FAM169A: variants seen among roughly 807,000 people sequenced by gnomAD.
FAM169A encodes soluble lamin-associated protein of 75 kDa.
A neutral mutation model predicts 75.7 loss-of-function variants in FAM169A; 24 were observed. The observed-to-expected ratio is 0.32, with a 90% CI of 0.23 to 0.45. The LOEUF (loss-of-function observed/expected upper bound fraction) is 0.45. Among genes scored for constraint, FAM169A ranks in the 20% least tolerant of loss-of-function variants. FAM169A has a pLI of 1.00. For missense variants in FAM169A, 673 were observed against 784.0 expected, an observed-to-expected ratio of 0.86 and a Z score of 1.69; for synonymous variants, 271 against 271.0, an observed-to-expected ratio of 1.00 and a Z score of 0.00.
At chr5:74,865,931 G>A (rs1310178894) in intron 1 of FAM169A, 1 of 152,434 alleles carries the variant, frequency 6.6e-6, no homozygotes, top group Non-Finnish European at 1.5e-5. Flanking sequence ...GCGCACCTGG[G>A]GGCGCCACAC....
intron 1 of FAM169A, among the ~76,000 whole-genome samples, chr5:74,858,618 G>A (rs1473616761): frequency 6.6e-6 from 1 of 152,028 alleles, no homozygotes; most frequent in Non-Finnish European, 1.5e-5. Flanking sequence ...GGGTCAAAAA[G>A]CTACCTATCA....
Position 74,805,524 on chromosome 5 carries a change from C to CTTTTTTTTTTTTT in FAM169A, c.671-253_671-241dup, listed in dbSNP as rs1194674402. On this transcript the variant is annotated intron_variant, in intron 6 of 12. Coordinates refer to ENST00000687041, the MANE Select transcript of FAM169A (RefSeq NM_001376049.1). ...AAAAATCCTTTAAAAATGTGCTTCG[C>CTTTTTTTTTTTTT]TTTTTTTTTTTTTTTTTTTTTTTGG... Among the ~76,000 whole-genome samples the CTTTTTTTTTTTTT allele has an allele frequency of 3.8e-4, 31 of 81,924 alleles. 2 individuals carry two copies. The highest frequency in any genetic ancestry group is 9.8e-4 in the African/African-American group (18 of 18,434). The allele number at this position is 81,924 out of a possible 152,430, so 53.7% of individuals were successfully genotyped here. A position where few individuals can be genotyped will look rare whatever the true frequency, so the allele number is the denominator to read the frequency against.
intron 9 of FAM169A, 23 bp downstream of exon 9, chr5:74,801,567 G>C (rs770398457): frequency 6.3e-7 from 1 of 1,575,776 alleles, no homozygotes; most frequent in South Asian, 1.1e-5. Context: ...AATACTTACT[G>C]ATATATCAGT....
intron 6 of FAM169A, among the ~76,000 whole-genome samples, chr5:74,811,931 C>G (rs1330305615): frequency 6.6e-6 from 1 of 152,130 alleles, no homozygotes. Context: ...TGAGAATACA[C>G]ACGTATGTAT....
Position 74,791,142 on chromosome 5 carries a change from G to A in FAM169A, c.1260+4888C>T, listed in dbSNP as rs1445392664. Among the ~76,000 whole-genome samples, 4 of 152,106 alleles carry A rather than the reference G, an allele frequency of 2.6e-5. No homozygotes were observed. The East Asian group carries it at 7.7e-4, about 29-fold the overall frequency. Reference sequence around the variant, plus strand: ...TGTTCCCCATCATCTTGAAGCAGCTGGATTGACAGAATGGTGGAATGTCCT... The same window carrying A: ...TGTTCCCCATCATCTTGAAGCAGCTAGATTGACAGAATGGTGGAATGTCCT... On this transcript the variant is annotated intron_variant, in intron 11 of 12. Transcript: ENST00000687041.
intron 10 of FAM169A, chr5:74,799,050 T>C: frequency 9.6e-7 from 1 of 1,046,218 alleles, no homozygotes; most frequent in Admixed American, 1.7e-5. Flanking sequence ...GAAACAGGGA[T>C]CGTACCCAGA....
chr5:74,861,528 A>C (rs1053362523), intron 1 of FAM169A, among the ~76,000 whole-genome samples: 11 of 152,206 alleles, frequency 7.2e-5, no homozygotes, highest in African/African-American at 2.7e-4. Context: ...GTTCAAGACC[A>C]GCCTGGTAAA....
intron 5 of FAM169A, among the ~76,000 whole-genome samples, chr5:74,821,117 C>A (rs758036783): frequency 2.2e-4 from 33 of 152,304 alleles, no homozygotes; most frequent in Middle Eastern, 3.4e-3. Context: ...CATCATCTGA[C>A]AGCATATCAT....
chr5:74,859,829 G>A (rs1749944344), intron 1 of FAM169A, among the ~76,000 whole-genome samples: 1 of 151,876 alleles, frequency 6.6e-6, no homozygotes, highest in South Asian at 2.1e-4. Context: ...ACCAGCCTGG[G>A]CAACAAAGCG....
chr5:74,814,065 AT>A, intron 5 of FAM169A, 46 bp from the exon 6 acceptor site: 1 of 1,402,850 alleles, frequency 7.1e-7, no homozygotes, highest in Non-Finnish European at 9.4e-7. Flanking sequence ...ACATTAAAAA[AT>A]ATACATACAT....
intron 5 of FAM169A, among the ~76,000 whole-genome samples, chr5:74,817,018 C>A (rs1287122221): frequency 2.6e-5 from 4 of 151,846 alleles, no homozygotes; most frequent in Non-Finnish European, 4.4e-5. Flanking sequence ...TTGACAAAAC[C>A]CAACCTTTCA....
At position 74,779,743 on chromosome 5, in the gene FAM169A, T is replaced by C. The variant is rs1745319155; in HGVS notation, c.*1717A>G. ...ACTAATTAAAGAAAATATAGGGTAATACAATTGTTCAAAATCTAACACAAA... is the reference window on the plus strand; with the variant it reads ...ACTAATTAAAGAAAATATAGGGTAACACAATTGTTCAAAATCTAACACAAA... On this transcript the variant is annotated 3_prime_UTR_variant, in exon 13 of 13. Coordinates refer to ENST00000687041, the MANE Select transcript of FAM169A (RefSeq NM_001376049.1). The C allele has an allele frequency of 2.0e-5, 3 of 152,142 alleles. No homozygotes were observed. The highest frequency in any genetic ancestry group is 6.5e-5 in the Admixed American group (1 of 15,276). The allele number at this position is 152,142 out of a possible 1,614,324, so 9.4% of individuals were successfully genotyped here. A position where few individuals can be genotyped will look rare whatever the true frequency, so the allele number is the denominator to read the frequency against.
intron 1 of FAM169A, among the ~76,000 whole-genome samples, chr5:74,842,658 A>T (rs1221366189): frequency 6.6e-6 from 1 of 151,664 alleles, no homozygotes; most frequent in Non-Finnish European, 1.5e-5. Flanking sequence ...TGACCTCCCA[A>T]AGTGCTGGGA....
At chr5:74,812,168 G>T (rs906161922) in intron 6 of FAM169A, among the ~76,000 whole-genome samples, 25 of 152,048 alleles carry the variant, frequency 1.6e-4, no homozygotes, top group Non-Finnish European at 3.7e-4. Context: ...TTGTCACCCA[G>T]GCTGAAGTGC....
intron 5 of FAM169A, among the ~76,000 whole-genome samples, chr5:74,834,137 G>A (rs1411618400): frequency 1.3e-5 from 2 of 152,082 alleles, no homozygotes; most frequent in South Asian, 2.1e-4. Flanking sequence ...GAAATGTGAG[G>A]GCTAGAAGAT....
At position 74,796,045 on chromosome 5, in the gene FAM169A, C is replaced by T. The variant is rs749763196; in HGVS notation, c.1245G>A (p.Lys415=). 2 of 1,612,692 alleles carry T rather than the reference C, an allele frequency of 1.2e-6. No individual in the cohort carries two copies. The highest frequency in any genetic ancestry group is 4.5e-5 in the East Asian group (2 of 44,878). Residue 415 remains lysine, a synonymous_variant, in exon 11 of 13, where the codon AAG becomes AAA. Coordinates refer to ENST00000687041, the MANE Select transcript of FAM169A (RefSeq NM_001376049.1). ...GATCTCATACCTTTTCACCATCTTG[C>T]TTCTCTTGCTGTGGCTGGGTTTCCA... ...PALETQPQQE[K]QDGEKESELE...
intron 1 of FAM169A, among the ~76,000 whole-genome samples, chr5:74,860,944 TG>T (rs1175748967): frequency 6.6e-6 from 1 of 151,554 alleles, no homozygotes; most frequent in Non-Finnish European, 1.5e-5. Context: ...GAGACCAGCC[TG>T]GCCAACATGG....
At chr5:74,802,082 T>C (rs1178700972) in intron 8 of FAM169A, among the ~76,000 whole-genome samples, 1 of 152,166 alleles carries the variant, frequency 6.6e-6, no homozygotes, top group Non-Finnish European at 1.5e-5. Flanking sequence ...CCAATATTAT[T>C]CCCTATCTTG....
Position 74,779,069 on chromosome 5 carries a change from C to CAG in FAM169A, c.*2389_*2390dup, listed in dbSNP as rs1745274530. On this transcript the variant is annotated 3_prime_UTR_variant, in exon 13 of 13. Transcript: ENST00000687041. ...TAAACCCCAAAATAACAATTTCTGT[C>CAG]AGAGAGAATCTGTAACAGAAGTGTT... 1 of 152,116 alleles carries CAG rather than the reference C, an allele frequency of 6.6e-6. No homozygotes were observed. Among genetic ancestry groups the CAG allele is most frequent in the African/African-American group, 2.4e-5 (1 of 41,446 alleles). 9.4% of individuals were successfully genotyped at this position (152,116 alleles called of 1,614,324 possible).
Sources: allele counts gnomAD v4.1 joint callset (sites outside exome capture counted in the v4.1 genomes callset), GRCh38; gene constraint gnomAD v4.1.1; transcripts MANE v1.5; gene names NCBI Gene and HGNC (gene_info 2026-07-23, HGNC 2026-07-21).